Variants in PTPRN2 observed in about 807,000 individuals in gnomAD.
The protein encoded by PTPRN2 is receptor-type tyrosine-protein phosphatase N2.
In PTPRN2, 74 loss-of-function variants were observed where a neutral mutation model predicts 118.8. The ratio of observed to expected loss-of-function variants is 0.62; its 90% CI spans 0.52 to 0.76. The LOEUF (loss-of-function observed/expected upper bound fraction) is 0.76. Ranked by LOEUF, PTPRN2 falls within the 30% of genes least tolerant of loss-of-function variation. The pLI is 0.00. For missense variants in PTPRN2, 1,481 were observed against 1,394.4 expected (o/e 1.06, Z -0.99); for synonymous variants, 641 against 608.0 (o/e 1.05, Z -0.80).
intron 12 of PTPRN2, among the ~76,000 whole-genome samples, chr7:157,698,178 C>T (rs1385987306): frequency 6.6e-6 from 1 of 152,212 alleles, no homozygotes; most frequent in Non-Finnish European, 1.5e-5. Flanking sequence ...GCTATAAAAT[C>T]AATGCCCTTA....
chr7:158,071,174 T>C (rs1258592072), intron 11 of PTPRN2, among the ~76,000 whole-genome samples: 2 of 4,546 alleles, frequency 4.4e-4, no homozygotes, highest in Non-Finnish European at 8.1e-4. Flanking sequence ...GGAGGTGCTC[T>C]TAGTATGGAG....
chr7:158,140,662 C>T (rs1031534193), intron 6 of PTPRN2, among the ~76,000 whole-genome samples: 2 of 152,190 alleles, frequency 1.3e-5, no homozygotes, highest in East Asian at 1.9e-4. Context: ...CAACCAGAGC[C>T]GCATCACCTG....
intron 3 of PTPRN2, among the ~76,000 whole-genome samples, chr7:158,280,859 A>G (rs1460503143): frequency 6.6e-6 from 1 of 152,234 alleles, no homozygotes; most frequent in African/African-American, 2.4e-5. Flanking sequence ...GGGAGGCCTC[A>G]CGGCAGCTGT....
chr7:157,702,090 C>G (rs2150866499), intron 12 of PTPRN2, among the ~76,000 whole-genome samples: 1 of 150,432 alleles, frequency 6.6e-6, no homozygotes, highest in East Asian at 2.0e-4. Context: ...ATAAGAAAGC[C>G]TGGTCGGTCC....
At chr7:158,270,823 TC>T (rs1452420725) in intron 3 of PTPRN2, among the ~76,000 whole-genome samples, 4 of 9,584 alleles carry the variant, frequency 4.2e-4, no homozygotes, top group Non-Finnish European at 6.6e-4. Context: ...GACCGCCCCC[TC>T]CACCTGGATG....
intron 3 of PTPRN2, among the ~76,000 whole-genome samples, chr7:158,281,439 T>C (rs1017785721): frequency 5.3e-5 from 8 of 152,176 alleles, no homozygotes; most frequent in African/African-American, 1.9e-4. Context: ...AAGAACATAG[T>C]CACCAAAATC....
chr7:158,457,510 C>T (rs1481602697), intron 2 of PTPRN2, among the ~76,000 whole-genome samples: 4 of 150,004 alleles, frequency 2.7e-5, no homozygotes, highest in Admixed American at 2.7e-4. Context: ...AAACCTCCCT[C>T]TCCAGGGCGA....
At chr7:158,566,325 G>T (rs1264872411) in intron 1 of PTPRN2, among the ~76,000 whole-genome samples, 2 of 151,724 alleles carry the variant, frequency 1.3e-5, no homozygotes, top group African/African-American at 4.8e-5. Context: ...TTGCACTCCA[G>T]CCTGGGTGAC....
At chr7:158,333,342 G>T (rs1232330240) in intron 2 of PTPRN2, among the ~76,000 whole-genome samples, 9 of 125,394 alleles carry the variant, frequency 7.2e-5, no homozygotes, top group African/African-American at 2.9e-4. Flanking sequence ...ACCATAAGAG[G>T]TGACACCTGC....
intron 11 of PTPRN2, among the ~76,000 whole-genome samples, chr7:157,904,097 T>C (rs1364447528): frequency 4.6e-5 from 7 of 152,224 alleles, no homozygotes; most frequent in Non-Finnish European, 8.8e-5. Context: ...CGCCGATCAG[T>C]GCTTCTGCTT....
chr7:157,642,832 A>AAAAAC (rs1804768985), intron 14 of PTPRN2, among the ~76,000 whole-genome samples: 4 of 144,864 alleles, frequency 2.8e-5, no homozygotes, highest in South Asian at 4.3e-4. Flanking sequence ...AAAAAAAAAA[A>AAAAAC]AAAAAAAAAA....
At chr7:158,069,059 CG>C (rs1811004254) in intron 11 of PTPRN2, among the ~76,000 whole-genome samples, 1 of 152,308 alleles carries the variant, frequency 6.6e-6, no homozygotes, top group African/African-American at 2.4e-5. Context: ...TACGAATCAT[CG>C]CATCTCGTTA....
At chr7:157,788,524 G>A (rs1286135439) in intron 12 of PTPRN2, among the ~76,000 whole-genome samples, 1 of 152,182 alleles carries the variant, frequency 6.6e-6, no homozygotes, top group African/African-American at 2.4e-5. Context: ...GCCTCCACGG[G>A]GCTGGAGCAG....
chr7:157,773,606 C>G (rs1296953210), intron 12 of PTPRN2, among the ~76,000 whole-genome samples: 1 of 152,244 alleles, frequency 6.6e-6, no homozygotes, highest in African/African-American at 2.4e-5. Context: ...AGGCGGCTTG[C>G]TGTACCTCCC....
chr7:157,898,499 C>T (rs140995766), intron 12 of PTPRN2, among the ~76,000 whole-genome samples, 174 bp downstream of exon 12: 5 of 152,296 alleles, frequency 3.3e-5, no homozygotes, highest in East Asian at 1.9e-4. Context: ...AGGCACGTTT[C>T]GCCACCGTTT....
At chr7:158,468,998 CGGTG>C (rs1819621616) in intron 2 of PTPRN2, among the ~76,000 whole-genome samples, 1 of 55,114 alleles carries the variant, frequency 1.8e-5, no homozygotes, top group Non-Finnish European at 4.5e-5. Context: ...TGCACACTCC[CGGTG>C]GATCAACACT....
At chr7:158,344,780 C>A (rs137885995) in intron 2 of PTPRN2, among the ~76,000 whole-genome samples, 2 of 152,134 alleles carry the variant, frequency 1.3e-5, no homozygotes, top group African/African-American at 4.8e-5. Context: ...CACCTTTCAT[C>A]GGTGGGTTTA....
At chr7:157,757,126 C>A (rs73744870) in intron 12 of PTPRN2, among the ~76,000 whole-genome samples, 2,027 of 152,212 alleles carry the variant, frequency 0.013, 49 homozygotes, top group African/African-American at 0.047. Flanking sequence ...TCCCCCACCC[C>A]CTAAAGAGAT....
chr7:157,775,408 C>T (rs898138792), intron 12 of PTPRN2, among the ~76,000 whole-genome samples: 1 of 152,228 alleles, frequency 6.6e-6, no homozygotes, highest in Non-Finnish European at 1.5e-5. Flanking sequence ...AGTGAAGGTG[C>T]AACCAGCATG....
Sources: allele counts gnomAD v4.1 joint callset (sites outside exome capture counted in the v4.1 genomes callset), GRCh38; gene constraint gnomAD v4.1.1; transcripts MANE v1.5; gene names NCBI Gene and HGNC (gene_info 2026-07-23, HGNC 2026-07-21).